The following GNAO1 variants were observed in gnomAD, a reference collection of about 807,000 sequenced individuals.
GNAO1 encodes the protein guanine nucleotide-binding protein G(o) subunit alpha.
For synonymous variants in GNAO1, 164 were observed against 180.7 expected (o/e 0.91, Z 0.74); for missense variants, 166 against 478.7 (o/e 0.35, Z 6.10).
chr16:56,248,509 G>A (rs2036770457), intron 2 of GNAO1, among the ~76,000 whole-genome samples: 1 of 152,190 alleles, frequency 6.6e-6, no homozygotes, highest in African/African-American at 2.4e-5. Flanking sequence ...GGGTGAGACA[G>A]GTCCTCAGCT....
At chr16:56,349,622 G>C (rs1186795469) in intron 6 of GNAO1, among the ~76,000 whole-genome samples, 1 of 152,238 alleles carries the variant, frequency 6.6e-6, no homozygotes, top group Non-Finnish European at 1.5e-5. Flanking sequence ...GGATAGGAGA[G>C]TGATGAGATC....
chr16:56,289,045 C>T (rs575876263), intron 3 of GNAO1, among the ~76,000 whole-genome samples: 2 of 151,206 alleles, frequency 1.3e-5, no homozygotes, highest in African/African-American at 2.4e-5. Flanking sequence ...GGGGGGGGAG[C>T]GGAAAAAAGA....
chr16:56,226,108 G>A lies in GNAO1; in HGVS notation c.161+33492G>A, dbSNP rs899230. On this transcript the variant is annotated intron_variant, in intron 2 of 8. Transcript: ENST00000262493. ...CTGACTTCTACTTTGAGTTTGCTGT[G>A]GCTGCTGTGTGGAGGACGGGCTGTG... Among the ~76,000 whole-genome samples, 137 of 152,162 alleles carry A rather than the reference G, an allele frequency of 9.0e-4. No individual in the cohort carries two copies. In the East Asian group the frequency reaches 0.023, roughly 25 times the overall value.
Position 56,194,506 on chromosome 16 carries a change from C to G in GNAO1, c.161+1890C>G, listed in dbSNP as rs57019200. 4 of 311,516 alleles carry G rather than the reference C, an allele frequency of 1.3e-5. No homozygotes were observed. In the East Asian group the frequency reaches 2.4e-4, roughly 19 times the overall value. The allele number at this position is 311,516 out of a possible 1,614,324, so 19.3% of individuals were successfully genotyped here. On this transcript the variant is annotated intron_variant, in intron 2 of 8. Coordinates refer to ENST00000262493, the MANE Select transcript of GNAO1 (RefSeq NM_020988.3). ...GTGGTGGACAGCGCCCAGCCGAGGC[C>G]GGAAAAGTCGATGGGGCTCAGTTCG...
intron 6 of GNAO1, among the ~76,000 whole-genome samples, chr16:56,341,708 CGGGCAGCCAGGA>C (rs2037806052): frequency 6.6e-6 from 1 of 152,104 alleles, no homozygotes. Context: ...ATGGGGTGGG[CGGGCAGCCAGGA>C]GGGCAGCATG....
chr16:56,344,775 C>T (rs1319250844), intron 6 of GNAO1: 3 of 985,318 alleles, frequency 3.0e-6, no homozygotes, highest in African/African-American at 3.5e-5. Context: ...ACCAGGAGCT[C>T]GGATGGTCAC....
chr16:56,227,565 G>A (rs1190380557), intron 2 of GNAO1, among the ~76,000 whole-genome samples: 1 of 151,830 alleles, frequency 6.6e-6, no homozygotes, highest in African/African-American at 2.4e-5. Context: ...GCTCATGCCT[G>A]TAATCCCAGC....
intron 2 of GNAO1, among the ~76,000 whole-genome samples, chr16:56,231,059 AC>A (rs1405445191): frequency 2.0e-5 from 3 of 152,204 alleles, no homozygotes; most frequent in Admixed American, 1.3e-4. Context: ...TATAGCCAGG[AC>A]CCAAAGACAG....
chr16:56,336,470 T>C, intron 5 of GNAO1: 1 of 385,282 alleles, frequency 2.6e-6, no homozygotes. Context: ...AAAATGCTCC[T>C]CAGATGCAAG....
chr16:56,243,619 C>G (rs1408175908), intron 2 of GNAO1, among the ~76,000 whole-genome samples: 2 of 152,090 alleles, frequency 1.3e-5, no homozygotes, highest in African/African-American at 4.8e-5. Context: ...AAGTAGATTA[C>G]TGGTTGCCAA....
rs1395567793 is a variant in GNAO1 at position 56,347,976 on chromosome 16, A to T, written c.724-3408A>T. ...CGCACCCCCCTCCCCCATCTAGGCG[A>T]GGTGGGCTCGGGCGTCCCAGGCCCT... On this transcript the variant is annotated intron_variant, in intron 6 of 8. Transcript: ENST00000262493. The T allele has an allele frequency of 5.1e-6, 5 of 976,092 alleles. No homozygotes were observed. The African/African-American group carries it at 7.2e-5, about 14-fold the overall frequency. The allele number at this position is 976,092 out of a possible 1,614,324, so 60.5% of individuals were successfully genotyped here. A position where few individuals can be genotyped will look rare whatever the true frequency, so the allele number is the denominator to read the frequency against.
intron 3 of GNAO1, among the ~76,000 whole-genome samples, chr16:56,297,522 G>GGTGTGTGTGT (rs10545712): frequency 2.9e-3 from 388 of 134,402 alleles, no homozygotes; most frequent in East Asian, 4.4e-3. Flanking sequence ...TTGTCTAACT[G>GGTGTGTGTGT]GTGTGTGTGT....
At chr16:56,222,252 G>A (rs190123220) in intron 2 of GNAO1, among the ~76,000 whole-genome samples, 15 of 152,224 alleles carry the variant, frequency 9.9e-5, no homozygotes, top group South Asian at 2.1e-4. Context: ...GAGCAGCAGC[G>A]TGTTCACAGC....
chr16:56,346,232 G>A (rs750503280), intron 6 of GNAO1: 99 of 985,296 alleles, frequency 1.0e-4, no homozygotes, highest in Middle Eastern at 5.2e-4. Flanking sequence ...CGTAACCAGC[G>A]GCTCCATCTT....
intron 2 of GNAO1, among the ~76,000 whole-genome samples, chr16:56,196,623 G>A (rs147726433): frequency 9.1e-4 from 139 of 152,302 alleles, no homozygotes; most frequent in African/African-American, 3.3e-3. Flanking sequence ...GCCCTCATTC[G>A]AGGTGCTGAA....
intron 3 of GNAO1, among the ~76,000 whole-genome samples, chr16:56,286,980 G>A (rs569896962): frequency 6.6e-6 from 1 of 152,194 alleles, no homozygotes; most frequent in African/African-American, 2.4e-5. Flanking sequence ...GACTCATGTC[G>A]TAGGGTGGAG....
chr16:56,223,165 G>A (rs763815171), intron 2 of GNAO1, among the ~76,000 whole-genome samples: 20 of 152,300 alleles, frequency 1.3e-4, no homozygotes, highest in Middle Eastern at 3.4e-3. Flanking sequence ...CCCTTCTGGG[G>A]CTTCTAGGGG....
chr16:56,242,763 A>G (rs2036706253), intron 2 of GNAO1, among the ~76,000 whole-genome samples: 1 of 152,250 alleles, frequency 6.6e-6, no homozygotes, highest in African/African-American at 2.4e-5. Flanking sequence ...ATAAAACATC[A>G]TAAACAACAA....
chr16:56,274,467 G>A (rs183565505), intron 2 of GNAO1, among the ~76,000 whole-genome samples: 2 of 152,170 alleles, frequency 1.3e-5, no homozygotes. Context: ...AATTCAGGGT[G>A]AAGACCCGCA....
Sources: allele counts gnomAD v4.1 joint callset (sites outside exome capture counted in the v4.1 genomes callset), GRCh38; gene constraint gnomAD v4.1.1; transcripts MANE v1.5; gene names NCBI Gene and HGNC (gene_info 2026-07-23, HGNC 2026-07-21).